The following ARHGAP31 variants were observed in gnomAD, a reference collection of about 807,000 sequenced individuals.
The protein encoded by ARHGAP31 is Rho GTPase activating protein 31.
ARHGAP31 carries 34 observed loss-of-function variants against 113.9 expected under a neutral mutation model. That is an observed-to-expected ratio of 0.30 (90% confidence interval 0.23 to 0.40). ARHGAP31 has a LOEUF of 0.40. ARHGAP31 is among the 10% of genes least tolerant of loss of function. ARHGAP31 has a pLI of 1.00. For synonymous variants in ARHGAP31, 650 were observed against 684.8 expected (o/e 0.95, Z 0.79); for missense variants, 1,548 against 1,767.1 (o/e 0.88, Z 2.22).
chr3:119,401,957 G>T lies in ARHGAP31; in HGVS notation c.1205G>T (p.Gly402Val), dbSNP rs1402856163. Residue 402 changes from glycine (G) to valine (V), a missense_variant, in exon 10 of 12, where the codon GGG becomes GTG. Coordinates refer to ENST00000264245, the MANE Select transcript of ARHGAP31 (RefSeq NM_020754.4). ...TKQEGEWGQE[G>V]MPPGAEGGFD... ...CAGGAGGGCGAATGGGGCCAGGAGG[G>T]GATGCCTCCCGGGGCTGAGGGTGGC... 6.2e-7 allele frequency: 1 copy of T among 1,614,032 alleles called. No homozygotes were observed. Among genetic ancestry groups the T allele is most frequent in the African/African-American group, 1.3e-5 (1 of 74,900 alleles).
intron 1 of ARHGAP31, among the ~76,000 whole-genome samples, chr3:119,296,064 G>A (rs1006922342): frequency 6.6e-6 from 1 of 152,218 alleles, no homozygotes; most frequent in East Asian, 1.9e-4. Context: ...GTGTAACCGT[G>A]CGGAATAATT....
At chr3:119,318,320 T>A (rs1456599460) in intron 1 of ARHGAP31, among the ~76,000 whole-genome samples, 1 of 152,192 alleles carries the variant, frequency 6.6e-6, no homozygotes, top group African/African-American at 2.4e-5. Context: ...GTCTAATGGT[T>A]TTTAACTGGG....
At chr3:119,407,468 A>C (rs542898963) in intron 10 of ARHGAP31, among the ~76,000 whole-genome samples, 66 of 152,358 alleles carry the variant, frequency 4.3e-4, no homozygotes, top group Middle Eastern at 3.4e-3. Context: ...GAAAATGTAA[A>C]GCAAACAACA....
rs765661470 is a variant in ARHGAP31, at chr3:119,337,230, TCTC to T, written c.101-28084_101-28082del. ...GTTTGTTCCTTCTGATGTTCGGACA[TCTC>T]CAGACTTGCTTCCTTCTGGTGGGTT... On this transcript the variant is annotated intron_variant, in intron 1 of 11. Coordinates refer to ENST00000264245, the MANE Select transcript of ARHGAP31 (RefSeq NM_020754.4). Among the ~76,000 whole-genome samples, 74 of 152,264 alleles carry T rather than the reference TCTC, an allele frequency of 4.9e-4. 1 individual carries two copies. Among genetic ancestry groups the T allele is most frequent in the Non-Finnish European group, 8.1e-4 (55 of 68,022 alleles).
intron 8 of ARHGAP31, among the ~76,000 whole-genome samples, chr3:119,396,828 ATAAAG>A (rs2107638147): frequency 6.6e-6 from 1 of 152,372 alleles, no homozygotes; most frequent in South Asian, 2.1e-4. Context: ...CAGGTAAGAA[ATAAAG>A]TATAGGAAAA....
chr3:119,310,826 A>G (rs2107597341), intron 1 of ARHGAP31, among the ~76,000 whole-genome samples: 1 of 152,362 alleles, frequency 6.6e-6, no homozygotes, highest in African/African-American at 2.4e-5. Flanking sequence ...GATTAAAGGC[A>G]CTACCAACTG....
At chr3:119,320,224 G>A (rs528261633) in intron 1 of ARHGAP31, among the ~76,000 whole-genome samples, 12 of 152,244 alleles carry the variant, frequency 7.9e-5, no homozygotes, top group Admixed American at 5.9e-4. Flanking sequence ...TCAAACTAGC[G>A]AAACTTGGTT....
intron 1 of ARHGAP31, among the ~76,000 whole-genome samples, chr3:119,349,280 T>C (rs1053902981): frequency 6.6e-6 from 1 of 152,192 alleles, no homozygotes; most frequent in Non-Finnish European, 1.5e-5. Context: ...CAGAAGCTCA[T>C]AGAAATTCAG....
intron 1 of ARHGAP31, among the ~76,000 whole-genome samples, chr3:119,328,247 AG>A (rs1417815758): frequency 2.0e-5 from 3 of 152,158 alleles, no homozygotes; most frequent in Non-Finnish European, 1.5e-5. Context: ...AGACATTAAG[AG>A]GGGGGAAAAC....
chr3:119,311,062 A>G (rs532825879), intron 1 of ARHGAP31, among the ~76,000 whole-genome samples: 1 of 152,302 alleles, frequency 6.6e-6, no homozygotes, highest in South Asian at 2.1e-4. Context: ...GTCTGCCTCC[A>G]GCTCCCCATC....
intron 7 of ARHGAP31, among the ~76,000 whole-genome samples, chr3:119,392,908 C>T (rs914111870): frequency 1.3e-5 from 2 of 152,182 alleles, no homozygotes; most frequent in African/African-American, 4.8e-5. Context: ...AGGAGCCCAA[C>T]AGGACCTAGG....
At chr3:119,351,752 C>T (rs1414725427) in intron 1 of ARHGAP31, among the ~76,000 whole-genome samples, 13 of 152,192 alleles carry the variant, frequency 8.5e-5, no homozygotes, top group East Asian at 7.7e-4. Context: ...GCTCAGTTCA[C>T]GACCTTCTCC....
chr3:119,376,035 G>C (rs552045775), intron 3 of ARHGAP31, among the ~76,000 whole-genome samples: 1 of 152,118 alleles, frequency 6.6e-6, no homozygotes, highest in Non-Finnish European at 1.5e-5. Context: ...GTCTTGACGC[G>C]TCAGTCTCCC....
At chr3:119,404,817 A>G (rs983688585) in intron 10 of ARHGAP31, among the ~76,000 whole-genome samples, 2 of 152,228 alleles carry the variant, frequency 1.3e-5, no homozygotes, top group African/African-American at 2.4e-5. Context: ...GGATTAATCA[A>G]TGTAATCATC....
At chr3:119,385,458 T>C (rs1303011703) in intron 6 of ARHGAP31, among the ~76,000 whole-genome samples, 1 of 152,216 alleles carries the variant, frequency 6.6e-6, no homozygotes, top group African/African-American at 2.4e-5. Flanking sequence ...CTCTTTATTA[T>C]ATATGTAGGA....
chr3:119,313,114 A>T (rs2079697035), intron 1 of ARHGAP31, among the ~76,000 whole-genome samples: 1 of 152,158 alleles, frequency 6.6e-6, no homozygotes, highest in Admixed American at 6.6e-5. Context: ...GATGGTTTTT[A>T]AAGTGTTAAT....
At chr3:119,398,295 T>A (rs775725837) in intron 8 of ARHGAP31, among the ~76,000 whole-genome samples, 2 of 151,950 alleles carry the variant, frequency 1.3e-5, no homozygotes, top group African/African-American at 4.8e-5. Context: ...AAAATAAATT[T>A]AAAAAAATGT....
chr3:119,337,163 C>T (rs1020829059), intron 1 of ARHGAP31, among the ~76,000 whole-genome samples: 2 of 152,196 alleles, frequency 1.3e-5, no homozygotes, highest in Admixed American at 6.5e-5. Flanking sequence ...GCCGCGGACC[C>T]TGGCAGTGAG....
At chr3:119,318,147 G>T (rs920034400) in intron 1 of ARHGAP31, among the ~76,000 whole-genome samples, 3 of 151,996 alleles carry the variant, frequency 2.0e-5, no homozygotes, top group African/African-American at 7.3e-5. Flanking sequence ...GCTCATGCCT[G>T]TGTCCCCAGC....
Sources: allele counts gnomAD v4.1 joint callset (sites outside exome capture counted in the v4.1 genomes callset), GRCh38; gene constraint gnomAD v4.1.1; transcripts MANE v1.5; gene names NCBI Gene and HGNC (gene_info 2026-07-23, HGNC 2026-07-21).